WDR4: variants seen among roughly 807,000 people sequenced by gnomAD.
WDR4 encodes tRNA (guanine-N(7)-)-methyltransferase non-catalytic subunit WDR4.
A neutral mutation model predicts 48.6 loss-of-function variants in WDR4; 47 were observed. That is an observed-to-expected ratio of 0.97 (90% CI 0.77 to 1.23). WDR4 has a LOEUF of 1.23. WDR4 is among the 50% of genes most tolerant of loss of function. The probability of loss-of-function intolerance (pLI) is 0.00; values close to 1 mark genes in which losing one functional copy is unlikely to be tolerated. For synonymous variants in WDR4, 268 were observed against 230.0 expected (o/e 1.17, Z -1.49); for missense variants, 606 against 551.6 (o/e 1.10, Z -0.99).
intron 3 of WDR4, among the ~76,000 whole-genome samples, chr21:42,872,448 A>G (rs2146091701): frequency 6.6e-6 from 1 of 151,784 alleles, no homozygotes; most frequent in East Asian, 2.0e-4. Flanking sequence ...TGTCTCCAGC[A>G]AAAAATACAA....
chr21:42,873,688 C>T lies in WDR4; in HGVS notation c.159G>A (p.Glu53=). The T allele has an allele frequency of 6.2e-7, 1 of 1,613,506 alleles. No homozygotes were observed. The highest frequency in any genetic ancestry group is 2.2e-5 in the East Asian group (1 of 44,874). The change falls in exon 3 of 11, where the codon GAG becomes GAA. Residue 53 remains glutamate (E), a synonymous_variant. Coordinates refer to ENST00000398208, the MANE Select transcript of WDR4 (RefSeq NM_018669.6). ...CGCTCCCCTGGTCCAAGGGCGCGTC[C>T]TCCCTGAGGAAGAGAGGAGGAAGAC... The part of the protein sequence containing the change: ...AEKKSQENKG[E]DAPLDQGSGA...
At chr21:42,845,220 AAAACCAG>A (rs999697110), downstream of WDR4, among the ~76,000 whole-genome samples, 5 of 152,272 alleles carry the variant, frequency 3.3e-5, no homozygotes, top group African/African-American at 7.2e-5. Context: ...CAGTGGAATT[AAAACCAG>A]AAACCAGAAA....
intron 1 of WDR4, among the ~76,000 whole-genome samples, chr21:42,878,822 A>G (rs117813038): frequency 5.9e-5 from 9 of 152,216 alleles, no homozygotes; most frequent in Admixed American, 1.3e-4. Context: ...TGCGAGCTCC[A>G]CGTGCACCCT....
intron 1 of WDR4, 46 bp from the exon 2 acceptor site, chr21:42,876,813 G>A (rs769651844): frequency 1.3e-6 from 2 of 1,561,276 alleles, no homozygotes; most frequent in South Asian, 2.4e-5. Flanking sequence ...TCATTAGAGA[G>A]AAATAACAAA....
rs552183781 is a variant in WDR4 at position 42,862,535 on chromosome 21, C to T, written c.454-141G>A. ...CGAGGACAGACCAGCGTGGCTCCTC[C>T]CCTCCTCCCGTCCCTACGTCTAATT... On this transcript the variant is annotated intron_variant, in intron 4 of 10. Transcript: ENST00000398208. This position sits in a 1 kb window ranked among gnomAD's most constrained non-coding sequence, Gnocchi z 4.3. 7 of 698,852 alleles carry T rather than the reference C, an allele frequency of 1.0e-5. No homozygotes were observed. In the South Asian group the frequency reaches 1.3e-4, roughly 13 times the overall value. 43.3% of individuals were successfully genotyped at this position (698,852 alleles called of 1,614,324 possible).
chr21:42,892,268 AAT>A, the WDR4 span, among the ~76,000 whole-genome samples: 21,460 of 115,822 alleles, frequency 0.19, 1,901 homozygotes, highest in Non-Finnish European at 0.24. Context: ...AAAAAAAAAA[AAT>A]TTAAACAAAA....
chr21:42,861,869 C>T (rs779913010), intron 5 of WDR4, among the ~76,000 whole-genome samples: 12 of 152,196 alleles, frequency 7.9e-5, no homozygotes, highest in African/African-American at 9.7e-5. Flanking sequence ...TGTGCTGCCA[C>T]GAGAGACGCC....
rs375114860 is a variant in WDR4 at position 42,873,623 on chromosome 21, T to C, written c.224A>G (p.Tyr75Cys). 6.8e-6 allele frequency: 11 copies of C among 1,614,134 alleles called. No individual in the cohort carries two copies. The highest frequency in any genetic ancestry group is 1.1e-5 in the South Asian group (1 of 91,086). Residue 75 changes from tyrosine (Y) to cysteine (C), a missense_variant, in exon 3 of 11, where the codon TAT (tyrosine) becomes TGT (cysteine). By Grantham distance (194) the Tyr-to-Cys change is radical. Transcript: ENST00000398208. ...CTTACTGTCATCGGTTAAAGCAAAA[T>C]AGCTGCCAGACTTGGAGAAGGTGGA... ...LASTFSKSGSYFALTDDSKRL... is the reference protein window; with the variant it reads ...LASTFSKSGSCFALTDDSKRL...
chr21:42,867,412 A>G (rs2058272995), intron 3 of WDR4, among the ~76,000 whole-genome samples: 1 of 151,646 alleles, frequency 6.6e-6, no homozygotes, highest in Non-Finnish European at 1.5e-5. Flanking sequence ...AAAAAAAAAA[A>G]AGTGAACGCA....
At chr21:42,873,487 T>C in intron 3 of WDR4, 64 bp downstream of exon 3, 2 of 1,595,612 alleles carry the variant, frequency 1.3e-6, no homozygotes, top group Non-Finnish European at 1.7e-6. Context: ...TCACTATTGC[T>C]ACAGGCATGC....
intron 3 of WDR4, among the ~76,000 whole-genome samples, chr21:42,865,170 T>TGCAGAAGGGAG (rs142080345): frequency 6.6e-6 from 1 of 152,190 alleles, no homozygotes; most frequent in Non-Finnish European, 1.5e-5. Context: ...GCAGCAGAGC[T>TGCAGAAGGGAG]GCAGAAGGGA....
At chr21:42,888,466 G>A in the WDR4 span, among the ~76,000 whole-genome samples, 1 of 152,238 alleles carries the variant, frequency 6.6e-6, no homozygotes, top group East Asian at 1.9e-4. Flanking sequence ...GGCTGAAGTA[G>A]GAGAATCACC....
chr21:42,854,779 A>AAGGAGGGAG (rs2057942393), intron 7 of WDR4, among the ~76,000 whole-genome samples, 153 bp from the exon 8 acceptor site: 1 of 152,164 alleles, frequency 6.6e-6, no homozygotes, highest in South Asian at 2.1e-4. Context: ...TCAGTGGGGA[A>AAGGAGGGAG]AGGAGGGTAG....
intron 1 of WDR4, chr21:42,879,155 A>G: frequency 7.7e-7 from 1 of 1,294,788 alleles, no homozygotes; most frequent in Non-Finnish European, 9.8e-7. Flanking sequence ...AACACCGCAG[A>G]CCAGCCATCT....
Position 42,873,640 on chromosome 21 carries a change from GA to G in WDR4, c.206del (p.Phe69SerfsTer10). 6.2e-7 allele frequency: 1 copy of G among 1,614,184 alleles called. No homozygotes were observed. Among genetic ancestry groups the G allele is most frequent in the Non-Finnish European group, 8.5e-7 (1 of 1,180,026 alleles). ...QGSGAILAST[F>X]SKSGSYFALT... ...AAGCAAAATAGCTGCCAGACTTGGA[GA>G]AGGTGGACGCCAGAATCGCACCGCT... On this transcript the variant is annotated frameshift_variant, in exon 3 of 11. Transcript: ENST00000398208. LOFTEE classifies it high-confidence loss of function.
chr21:42,854,437 G>A, intron 8 of WDR4, 125 bp downstream of exon 8: 1 of 943,882 alleles, frequency 1.1e-6, no homozygotes, highest in Non-Finnish European at 1.6e-6. Flanking sequence ...AGAGGGAGGT[G>A]CTAGACCAAT....
intron 9 of WDR4, 149 bp downstream of exon 9, chr21:42,853,420 A>T: frequency 1.1e-6 from 1 of 933,000 alleles, no homozygotes; most frequent in Non-Finnish European, 1.6e-6. Context: ...AGCCCCAGCC[A>T]CTGCCATTCA....
At chr21:42,843,783 T>G (rs886618874) in intron 11 of WDR4, among the ~76,000 whole-genome samples, 3 of 152,158 alleles carry the variant, frequency 2.0e-5, no homozygotes, top group South Asian at 2.1e-4. Flanking sequence ...GCCAAGCTGG[T>G]CTCAAACTCC....
chr21:42,877,446 CAAT>C (rs1484057553), intron 1 of WDR4, among the ~76,000 whole-genome samples: 1 of 138,292 alleles, frequency 7.2e-6, no homozygotes, highest in Non-Finnish European at 1.5e-5. Context: ...CCCAGCCTAA[CAAT>C]GATTTTTAAA....
Sources: gnomAD v4.1 joint callset for allele counts (sites outside exome capture counted in the v4.1 genomes callset) on GRCh38, gnomAD v4.1.1 for gene constraint, Gnocchi (gnomAD v3.1) non-coding constraint, MANE v1.5 for transcripts, NCBI Gene and HGNC (gene_info 2026-07-23, HGNC 2026-07-21) for gene names.